Variants in FHIT observed in about 807,000 individuals in gnomAD.
The protein encoded by FHIT is bis(5'-adenosyl)-triphosphatase.
Under a neutral mutation model 17.9 loss-of-function variants are expected in FHIT, and 19 were observed. The observed-to-expected ratio is 1.06, with a 90% CI of 0.74 to 1.56. The LOEUF is 1.56. Among genes scored for constraint, FHIT ranks in the 40% most tolerant of loss-of-function variants. The probability of loss-of-function intolerance (pLI) is 0.00; values close to 1 mark genes in which losing one functional copy is unlikely to be tolerated. For missense variants in FHIT, 248 were observed against 189.2 expected, an observed-to-expected ratio of 1.31 and a Z score of -1.82; for synonymous variants, 81 against 69.7, an observed-to-expected ratio of 1.16 and a Z score of -0.81.
intron 8 of FHIT, among the ~76,000 whole-genome samples, chr3:59,802,096 C>T (rs1700017468): frequency 6.6e-6 from 1 of 152,186 alleles, no homozygotes; most frequent in South Asian, 2.1e-4. Flanking sequence ...TGGCAGGTGC[C>T]AGGCCAGCTC....
intron 5 of FHIT, among the ~76,000 whole-genome samples, chr3:60,460,974 T>G (rs2032423900): frequency 6.6e-6 from 1 of 152,190 alleles, no homozygotes; most frequent in Non-Finnish European, 1.5e-5. Context: ...GGAAATATAT[T>G]TTAAGGTTAA....
chr3:60,303,758 G>A (rs1437736961), intron 5 of FHIT, among the ~76,000 whole-genome samples: 2 of 152,150 alleles, frequency 1.3e-5, no homozygotes, highest in Non-Finnish European at 2.9e-5. Context: ...GCTTTGCAAG[G>A]ATGAGAAATA....
chr3:60,999,582 A>G (rs1351166444), intron 3 of FHIT, among the ~76,000 whole-genome samples: 1 of 151,730 alleles, frequency 6.6e-6, no homozygotes. Context: ...AAAAGATAGA[A>G]TATCTGCAAA....
intron 8 of FHIT, among the ~76,000 whole-genome samples, chr3:59,752,877 T>A (rs1184258064): frequency 6.6e-6 from 1 of 152,150 alleles, no homozygotes; most frequent in African/African-American, 2.4e-5. Flanking sequence ...CTGTTCCTTA[T>A]AAATTACCCA....
intron 4 of FHIT, among the ~76,000 whole-genome samples, chr3:60,726,802 A>C (rs2041925223): frequency 1.3e-5 from 2 of 152,192 alleles, no homozygotes; most frequent in African/African-American, 2.4e-5. Context: ...GTAAAGTGCT[A>C]ATTGACCTGC....
chr3:61,223,910 AG>A (rs2039902114), intron 1 of FHIT, among the ~76,000 whole-genome samples: 1 of 145,674 alleles, frequency 6.9e-6, no homozygotes, highest in South Asian at 2.3e-4. Context: ...GCCCCTCTTA[AG>A]AACCATATAA....
intron 5 of FHIT, among the ~76,000 whole-genome samples, chr3:60,196,638 C>T (rs1411213150): frequency 6.6e-6 from 1 of 151,984 alleles, no homozygotes; most frequent in African/African-American, 2.4e-5. Context: ...ACCACACACC[C>T]GCCCTAAGTG....
At chr3:60,550,111 C>A (rs971081174) in intron 4 of FHIT, among the ~76,000 whole-genome samples, 7 of 152,100 alleles carry the variant, frequency 4.6e-5, no homozygotes, top group Non-Finnish European at 8.8e-5. Flanking sequence ...GCTAATGGAT[C>A]CCAAGATGAA....
intron 5 of FHIT, among the ~76,000 whole-genome samples, chr3:60,519,452 T>C (rs1191013747): frequency 6.6e-6 from 1 of 152,186 alleles, no homozygotes; most frequent in African/African-American, 2.4e-5. Flanking sequence ...TAGTTGAAAA[T>C]TCACATGTAA....
chr3:60,900,589 A>G (rs2107221276), intron 3 of FHIT, among the ~76,000 whole-genome samples: 1 of 152,274 alleles, frequency 6.6e-6, no homozygotes, highest in East Asian at 1.9e-4. Context: ...CTGCATGGAC[A>G]CTTCTACCTA....
chr3:60,659,580 GTTA>G (rs2040193496), intron 4 of FHIT, among the ~76,000 whole-genome samples: 1 of 151,928 alleles, frequency 6.6e-6, no homozygotes, highest in Admixed American at 6.6e-5. Context: ...TTTCATTTCA[GTTA>G]TTATACTTTT....
intron 4 of FHIT, among the ~76,000 whole-genome samples, chr3:60,787,865 G>C (rs372300752): frequency 1.7e-4 from 26 of 152,298 alleles, no homozygotes; most frequent in African/African-American, 6.0e-4. Context: ...TTAAATGCCA[G>C]GTTGTTGGGG....
chr3:60,120,559 G>C (rs1705201225), intron 5 of FHIT, among the ~76,000 whole-genome samples: 1 of 152,150 alleles, frequency 6.6e-6, no homozygotes, highest in African/African-American at 2.4e-5. Flanking sequence ...ACAGCAGCGA[G>C]GACTGGAGTA....
intron 5 of FHIT, among the ~76,000 whole-genome samples, chr3:60,048,112 G>A (rs568626205): frequency 1.3e-5 from 2 of 152,212 alleles, no homozygotes; most frequent in East Asian, 1.9e-4. Context: ...TCTCCTCCAC[G>A]TATAAGAACA....
At chr3:60,966,951 C>T (rs183217051) in intron 3 of FHIT, among the ~76,000 whole-genome samples, 13 of 152,154 alleles carry the variant, frequency 8.5e-5, no homozygotes, top group African/African-American at 1.9e-4. Flanking sequence ...TCTCAGTAGA[C>T]GTAATACTTC....
At chr3:60,512,101 C>T (rs190587694) in intron 5 of FHIT, among the ~76,000 whole-genome samples, 1 of 152,260 alleles carries the variant, frequency 6.6e-6, no homozygotes, top group East Asian at 1.9e-4. Context: ...ATAAATGACT[C>T]AAGCCAGAAT....
At position 60,860,386 on chromosome 3, in the gene FHIT, ACATCATATGTATATATGACATACAT is replaced by A. The variant is rs1216195402; in HGVS notation, c.-110-38400_-110-38376del. Among the ~76,000 whole-genome samples, 56 of 145,832 alleles carry A rather than the reference ACATCATATGTATATATGACATACAT, an allele frequency of 3.8e-4. 1 individual carries two copies. The South Asian group carries it at 4.4e-3, about 11-fold the overall frequency. On this transcript the variant is annotated intron_variant, in intron 3 of 9. Coordinates refer to ENST00000492590, the MANE Select transcript of FHIT (RefSeq NM_002012.4). The stretch of plus-strand genomic sequence containing the variant: ...CATACATCATATGTATACATGACAT[ACATCATATGTATATATGACATACAT>A]CATATGTATATATGATACATATATA...
chr3:60,635,477 T>C (rs567758509), intron 4 of FHIT, among the ~76,000 whole-genome samples: 1 of 152,268 alleles, frequency 6.6e-6, no homozygotes, highest in African/African-American at 2.4e-5. Flanking sequence ...CCAACCACAC[T>C]ACCCTTTCCC....
chr3:61,008,583 A>G (rs181109170), intron 3 of FHIT, among the ~76,000 whole-genome samples: 1 of 152,320 alleles, frequency 6.6e-6, no homozygotes, highest in East Asian at 1.9e-4. Flanking sequence ...GTTGAGTCTA[A>G]TAATGAAAGG....
Sources: gnomAD v4.1 joint callset for allele counts (sites outside exome capture counted in the v4.1 genomes callset) on GRCh38, gnomAD v4.1.1 for gene constraint, MANE v1.5 for transcripts, NCBI Gene and HGNC (gene_info 2026-07-23, HGNC 2026-07-21) for gene names.